SLC30A9: variants seen among roughly 807,000 people sequenced by gnomAD.
SLC30A9 encodes the protein proton-coupled zinc antiporter SLC30A9, mitochondrial.
A neutral mutation model predicts 87.5 loss-of-function variants in SLC30A9; 58 were observed. The ratio of observed to expected loss-of-function variants is 0.66; its 90% CI spans 0.54 to 0.82. The LOEUF (loss-of-function observed/expected upper bound fraction) is 0.82, where lower values mean the gene tolerates loss of function less well. Among genes scored for constraint, SLC30A9 ranks in the 40% least tolerant of loss-of-function variants. The pLI is 0.00. For synonymous variants in SLC30A9, 234 were observed against 233.0 expected, an observed-to-expected ratio of 1.00 and a Z score of -0.04; for missense variants, 557 against 679.1, an observed-to-expected ratio of 0.82 and a Z score of 2.00.
At chr4:42,005,508 T>C (rs2153133420) in intron 2 of SLC30A9, among the ~76,000 whole-genome samples, 1 of 152,350 alleles carries the variant, frequency 6.6e-6, no homozygotes, top group South Asian at 2.1e-4. Context: ...AGTGATCCCA[T>C]GGCTGTGGCT....
At chr4:42,058,679 C>T (rs191724334) in intron 9 of SLC30A9, among the ~76,000 whole-genome samples, 12 of 152,292 alleles carry the variant, frequency 7.9e-5, no homozygotes, top group African/African-American at 2.6e-4. Flanking sequence ...GTGAAAGGCA[C>T]GTCTCACATG....
At chr4:42,022,800 A>G (rs1372477034) in intron 4 of SLC30A9, 38 bp from the exon 5 acceptor site, 2 of 1,237,892 alleles carry the variant, frequency 1.6e-6, no homozygotes. Flanking sequence ...AACTATATGC[A>G]CTTTGTCTGA....
At position 42,032,352 on chromosome 4, in the gene SLC30A9, C is replaced by T. The variant is rs192689765; in HGVS notation, c.611-2923C>T. On this transcript the variant is annotated intron_variant, in intron 6 of 17. Transcript: ENST00000264451. ...TTTCAATGGTTTCGTTAGGATTCCA[C>T]CCCATTTTATTTATTTTTGTTATTA... 2.0e-5 allele frequency among the ~76,000 whole-genome samples: 3 copies of T among 152,270 alleles called. No homozygotes were observed. In the East Asian group the frequency reaches 5.8e-4, roughly 29 times the overall value.
intron 1 of SLC30A9, among the ~76,000 whole-genome samples, chr4:41,997,977 G>A (rs945529317): frequency 2.0e-5 from 3 of 152,216 alleles, no homozygotes; most frequent in Non-Finnish European, 4.4e-5. Context: ...AAATCTTTTT[G>A]TTTATTTTTA....
intron 17 of SLC30A9, among the ~76,000 whole-genome samples, chr4:42,084,619 G>A (rs546414874): frequency 2.4e-4 from 37 of 152,108 alleles, no homozygotes; most frequent in Non-Finnish European, 4.4e-4. Flanking sequence ...TTACAGGCAT[G>A]CGCCACTATG....
At chr4:42,038,783 C>T (rs1716793941) in intron 7 of SLC30A9, among the ~76,000 whole-genome samples, 1 of 152,210 alleles carries the variant, frequency 6.6e-6, no homozygotes, top group South Asian at 2.1e-4. Flanking sequence ...GGAAACAAAA[C>T]AAACAAGTTT....
At chr4:42,035,249 C>G (rs1345832052) in intron 6 of SLC30A9, 26 bp from the exon 7 acceptor site, 1 of 1,577,978 alleles carries the variant, frequency 6.3e-7, no homozygotes, top group South Asian at 1.1e-5. Context: ...TATCTATGAC[C>G]TAAATTTATT....
chr4:42,031,263 C>T (rs1716422358), intron 6 of SLC30A9, among the ~76,000 whole-genome samples: 1 of 148,838 alleles, frequency 6.7e-6, no homozygotes, highest in African/African-American at 2.5e-5. Context: ...AGAATGAATA[C>T]ATGAAAAAAA....
At chr4:41,996,181 C>T (rs1289952470) in intron 1 of SLC30A9, among the ~76,000 whole-genome samples, 1 of 151,712 alleles carries the variant, frequency 6.6e-6, no homozygotes, top group Admixed American at 6.6e-5. Context: ...CTGCACCCTC[C>T]ACCTCCTGGG....
chr4:42,082,979 A>G (rs1042677974), intron 17 of SLC30A9, among the ~76,000 whole-genome samples: 6 of 152,120 alleles, frequency 3.9e-5, no homozygotes, highest in Non-Finnish European at 8.8e-5. Flanking sequence ...ATATCTTGTT[A>G]TTATTTTGAA....
At chr4:42,009,914 C>G (rs533825040) in intron 2 of SLC30A9, among the ~76,000 whole-genome samples, 1 of 152,338 alleles carries the variant, frequency 6.6e-6, no homozygotes, top group South Asian at 2.1e-4. Context: ...TCACTCCTCT[C>G]TGCCCTGCTC....
At chr4:42,045,518 A>G (rs1717111971) in intron 8 of SLC30A9, among the ~76,000 whole-genome samples, 1 of 151,944 alleles carries the variant, frequency 6.6e-6, no homozygotes. Flanking sequence ...ACCAGGAAGA[A>G]GTTGAATTCC....
chr4:41,994,577 GTATT>G (rs1345250174), intron 1 of SLC30A9, among the ~76,000 whole-genome samples: 2 of 151,700 alleles, frequency 1.3e-5, no homozygotes, highest in Admixed American at 1.3e-4. Flanking sequence ...CAATCTGCTA[GTATT>G]TATTGTCATA....
rs57572080 is a variant in SLC30A9, at chr4:42,044,386, C to CA, written c.738-4973dup. On this transcript the variant is annotated intron_variant, in intron 8 of 17. Transcript: ENST00000264451. ...GAATATTTACCAAGTAAATGGAAAG[C>CA]AAAAAAAAAAAAAAAAAAGCAGGGT... is the stretch of plus-strand genomic sequence containing the variant. Among the ~76,000 whole-genome samples the CA allele has an allele frequency of 8.2e-3, 808 of 98,704 alleles. 18 individuals are homozygous for CA. The highest frequency in any genetic ancestry group is 0.012 in the Middle Eastern group (2 of 164). 64.8% of individuals were successfully genotyped at this position (98,704 alleles called of 152,430 possible). A position where few individuals can be genotyped will look rare whatever the true frequency, so the allele number is the denominator to read the frequency against.
intron 4 of SLC30A9, among the ~76,000 whole-genome samples, chr4:42,020,974 A>G (rs1282337912): frequency 6.6e-6 from 1 of 152,152 alleles, no homozygotes; most frequent in African/African-American, 2.4e-5. Context: ...CTACTTTCCA[A>G]TATCTGTTAT....
At chr4:42,035,426 C>A in intron 7 of SLC30A9, 93 bp downstream of exon 7, 1 of 1,393,154 alleles carries the variant, frequency 7.2e-7, no homozygotes. Context: ...TCTGTGATCT[C>A]AATCTAAGAT....
intron 6 of SLC30A9, among the ~76,000 whole-genome samples, chr4:42,034,539 A>G (rs1008369475): frequency 6.6e-6 from 1 of 151,862 alleles, no homozygotes; most frequent in African/African-American, 2.4e-5. Flanking sequence ...TCCTTTTGAG[A>G]TGGGCTTATT....
chr4:42,023,362 A>G lies in SLC30A9; in HGVS notation c.588A>G (p.Glu196=). The G allele has an allele frequency of 6.2e-7, 1 of 1,610,708 alleles. No individual in the cohort carries two copies. Among genetic ancestry groups the G allele is most frequent in the Non-Finnish European group, 8.5e-7 (1 of 1,176,852 alleles). ...ALAREKKLRK[E]AEIEYRERLF... ...CCAGAGAGAAAAAATTGCGTAAGGA[A>G]GCAGAAATAGAATACAGAGAAAGTA... Residue 196 remains glutamate (E), a synonymous_variant, in exon 6 of 18, where the codon GAA becomes GAG. Transcript: ENST00000264451.
intron 14 of SLC30A9, among the ~76,000 whole-genome samples, chr4:42,069,873 T>C (rs1203135923): frequency 6.6e-6 from 1 of 152,210 alleles, no homozygotes; most frequent in Non-Finnish European, 1.5e-5. Context: ...CAGAATTTTT[T>C]ATTCAGGGGC....
Sources: gnomAD v4.1 joint callset for allele counts (sites outside exome capture counted in the v4.1 genomes callset) on GRCh38, gnomAD v4.1.1 for gene constraint, MANE v1.5 for transcripts, NCBI Gene and HGNC (gene_info 2026-07-23, HGNC 2026-07-21) for gene names.